RBP7: variants seen among roughly 807,000 people sequenced by gnomAD.
RBP7 encodes the protein retinoid-binding protein 7.
In RBP7, 13 loss-of-function variants were observed where a neutral mutation model predicts 16.7. The ratio of observed to expected loss-of-function variants is 0.78; its 90% confidence interval spans 0.51 to 1.24. The LOEUF (loss-of-function observed/expected upper bound fraction) is 1.24, where lower values mean the gene tolerates loss of function less well. RBP7 is among the 50% of genes most tolerant of loss of function. The pLI, the probability that RBP7 is intolerant of heterozygous loss-of-function variation, is 0.00. For missense variants in RBP7, 145 were observed against 159.5 expected (o/e 0.91, Z 0.49); for synonymous variants, 54 against 56.2 (o/e 0.96, Z 0.17).
chr1:10,012,768 T>C (rs559740144), intron 3 of RBP7, among the ~76,000 whole-genome samples: 5 of 150,522 alleles, frequency 3.3e-5, no homozygotes, highest in Non-Finnish European at 7.4e-5. Context: ...ACCCCGTCTC[T>C]ATTAAAAATA....
rs1642190755 is a variant in RBP7, at chr1:9,997,240, T to G, written c.-19T>G. The G allele has an allele frequency of 6.2e-7, 1 of 1,604,762 alleles. No homozygotes were observed. Among genetic ancestry groups the G allele is most frequent in the Admixed American group, 1.7e-5 (1 of 59,544 alleles). Reference sequence around the variant, plus strand: ...CGAGCCTCCGGCCGCCCGCCGGGTTTGTCCCGCGATCCCCGACCATGCCCG... The same window carrying G: ...CGAGCCTCCGGCCGCCCGCCGGGTTGGTCCCGCGATCCCCGACCATGCCCG... On this transcript the variant is annotated 5_prime_UTR_variant, in exon 1 of 4. Transcript: ENST00000294435. The surrounding 1 kb of genome is among the most constrained non-coding windows in gnomAD (Gnocchi z 5.9).
intron 3 of RBP7, among the ~76,000 whole-genome samples, chr1:10,010,544 G>A (rs1459672878): frequency 1.3e-5 from 2 of 150,926 alleles, no homozygotes; most frequent in Non-Finnish European, 2.9e-5. Flanking sequence ...AGCCTCCCAA[G>A]TAGCTGGGAT....
At chr1:10,010,583 AT>A (rs144226167) in intron 3 of RBP7, among the ~76,000 whole-genome samples, 3,849 of 132,358 alleles carry the variant, frequency 0.029, 36 homozygotes, top group African/African-American at 0.037. Context: ...TGCCCAGCTA[AT>A]TTTTTTTTTT....
chr1:10,007,786 C>T, intron 2 of RBP7, 38 bp downstream of exon 2: 1 of 1,579,250 alleles, frequency 6.3e-7, no homozygotes, highest in Non-Finnish European at 8.7e-7. Context: ...GTGGATTACG[C>T]TTGTAATCCT....
intron 1 of RBP7, among the ~76,000 whole-genome samples, chr1:10,002,798 C>G (rs1202491424): frequency 2.0e-5 from 3 of 152,200 alleles, no homozygotes; most frequent in African/African-American, 7.2e-5. Flanking sequence ...GCCACTGGAC[C>G]TGGCCCAGAA....
intron 1 of RBP7, among the ~76,000 whole-genome samples, chr1:10,002,826 T>C (rs916944969): frequency 2.6e-5 from 4 of 152,116 alleles, no homozygotes; most frequent in African/African-American, 9.7e-5. Flanking sequence ...TAATTCAAAG[T>C]AAATTTTGGT....
In RBP7 at chr1:10,015,309, A is replaced by G. The variant is rs148070121; in HGVS notation, c.355-473A>G. Among the ~76,000 whole-genome samples the G allele has an allele frequency of 3.3e-4, 50 of 152,206 alleles. 1 individual carries two copies. Among genetic ancestry groups the G allele is most frequent in the African/African-American group, 1.2e-3 (48 of 41,550 alleles). On this transcript the variant is annotated intron_variant, in intron 3 of 3. Transcript: ENST00000294435. Reference sequence around the variant, plus strand: ...ACAAAAATTAGCAGAGCATGGTGGCACACACCTGTAATCCTAGCTACTCAG... The same window carrying G: ...ACAAAAATTAGCAGAGCATGGTGGCGCACACCTGTAATCCTAGCTACTCAG...
At chr1:10,005,441 A>T (rs991999480) in intron 1 of RBP7, among the ~76,000 whole-genome samples, 1 of 151,852 alleles carries the variant, frequency 6.6e-6, no homozygotes, top group Non-Finnish European at 1.5e-5. Flanking sequence ...GGCTCAAGTG[A>T]TCCTCCCACC....
At chr1:10,004,014 C>T (rs141003247) in intron 1 of RBP7, 3,083 of 151,808 alleles carry the variant, frequency 0.02, 104 homozygotes, top group African/African-American at 0.069. Context: ...CCTCAGCCTC[C>T]CAAAGTGTTA....
intron 1 of RBP7, among the ~76,000 whole-genome samples, chr1:10,005,962 C>T (rs1642430788): frequency 6.6e-6 from 1 of 152,188 alleles, no homozygotes; most frequent in Admixed American, 6.6e-5. Context: ...CACACTGGCA[C>T]ACCCTTCCTC....
intron 1 of RBP7, among the ~76,000 whole-genome samples, chr1:10,006,762 T>G (rs200973617): frequency 0.042 from 6,097 of 145,994 alleles, 182 homozygotes; most frequent in Middle Eastern, 0.099. Flanking sequence ...TATATATATA[T>G]ATAGAGAGAG....
rs551909812 is a variant in RBP7, at chr1:10,015,701, A to T, written c.355-81A>T. ...ACATGTTCCAGAAAAGGGTTAAAACACAATAAAAAATAAGTGTTGAGAGTA... is the reference window on the plus strand; with the variant it reads ...ACATGTTCCAGAAAAGGGTTAAAACTCAATAAAAAATAAGTGTTGAGAGTA... On this transcript the variant is annotated intron_variant, in intron 3 of 3. Transcript: ENST00000294435. The T allele has an allele frequency of 1.5e-3, 1,792 of 1,227,250 alleles. 3 individuals are homozygous for T. The highest frequency in any genetic ancestry group is 1.9e-3 in the Admixed American group (109 of 57,494). 76.0% of individuals were successfully genotyped at this position (1,227,250 alleles called of 1,614,324 possible). A position where few individuals can be genotyped will look rare whatever the true frequency, so the allele number is the denominator to read the frequency against.
intron 3 of RBP7, among the ~76,000 whole-genome samples, chr1:10,013,410 G>A (rs968657420): frequency 1.2e-4 from 18 of 152,030 alleles, no homozygotes; most frequent in Non-Finnish European, 2.4e-4. Context: ...TGCTGGGTGT[G>A]GTGGTTCACT....
At chr1:10,002,344 T>C in intron 1 of RBP7, among the ~76,000 whole-genome samples, 1 of 151,902 alleles carries the variant, frequency 6.6e-6, no homozygotes, top group East Asian at 1.9e-4. Flanking sequence ...ATGTCTTATT[T>C]TCTATTTAAC....
intron 1 of RBP7, among the ~76,000 whole-genome samples, chr1:10,002,271 T>A (rs1387731018): frequency 6.6e-6 from 1 of 152,106 alleles, no homozygotes; most frequent in Non-Finnish European, 1.5e-5. Context: ...AGATCCTACC[T>A]TCAGGTGTAT....
chr1:10,007,502 C>T, intron 1 of RBP7, 68 bp from the exon 2 acceptor site: 1 of 1,155,118 alleles, frequency 8.7e-7, no homozygotes, highest in Non-Finnish European at 1.2e-6. Context: ...ATTTTGAGAA[C>T]AGCTACCAAA....
intron 3 of RBP7, among the ~76,000 whole-genome samples, chr1:10,014,905 A>G (rs1158260914): frequency 6.6e-6 from 1 of 152,162 alleles, no homozygotes; most frequent in Non-Finnish European, 1.5e-5. Flanking sequence ...TAACCTATGC[A>G]GTCTGTGCTA....
At chr1:10,005,713 A>G (rs1642423284) in intron 1 of RBP7, among the ~76,000 whole-genome samples, 1 of 150,442 alleles carries the variant, frequency 6.6e-6, no homozygotes, top group African/African-American at 2.5e-5. Context: ...ACAGGGGTGC[A>G]CCACCATGCC....
In RBP7 at chr1:9,997,909, A is replaced by T. The variant is rs1642201580; in HGVS notation, c.73+578A>T. Among the ~76,000 whole-genome samples the T allele has an allele frequency of 6.6e-6, 1 of 151,914 alleles. No individual in the cohort carries two copies. The highest frequency in any genetic ancestry group is 6.6e-5 in the Admixed American group (1 of 15,254). On this transcript the variant is annotated intron_variant, in intron 1 of 3. Coordinates refer to ENST00000294435, the MANE Select transcript of RBP7 (RefSeq NM_052960.3). The surrounding 1 kb of genome is among the most constrained non-coding windows in gnomAD (Gnocchi z 5.9). Reference sequence around the variant, plus strand: ...AGCGGACGACCCTTCAGGTCCGGGCACCCGCGGGAGTGCAGAGCCTGGTTC... The same window carrying T: ...AGCGGACGACCCTTCAGGTCCGGGCTCCCGCGGGAGTGCAGAGCCTGGTTC...
Sources: allele counts gnomAD v4.1 joint callset (sites outside exome capture counted in the v4.1 genomes callset), GRCh38; gene constraint gnomAD v4.1.1; non-coding constraint Gnocchi (gnomAD v3.1); transcripts MANE v1.5; gene names NCBI Gene and HGNC (gene_info 2026-07-23, HGNC 2026-07-21).